MTMR10: variants seen among roughly 807,000 people sequenced by gnomAD.
The protein encoded by MTMR10 is myotubularin related protein 10.
A neutral mutation model predicts 88.1 loss-of-function variants in MTMR10; 56 were observed. That is an observed-to-expected ratio of 0.64 (90% CI 0.51 to 0.79). The LOEUF is 0.79. Among genes scored for constraint, MTMR10 ranks in the 30% least tolerant of loss-of-function variants. The pLI is 0.00. For missense variants in MTMR10, 883 were observed against 924.7 expected, an observed-to-expected ratio of 0.95 and a Z score of 0.58; for synonymous variants, 380 against 340.9, an observed-to-expected ratio of 1.11 and a Z score of -1.26.
intron 10 of MTMR10, among the ~76,000 whole-genome samples, chr15:30,954,281 A>G (rs1156551865): frequency 6.6e-6 from 1 of 152,176 alleles, no homozygotes; most frequent in African/African-American, 2.4e-5. Flanking sequence ...AGGAGGACCC[A>G]CATTACACCA....
chr15:30,939,435 G>A lies in MTMR10; in HGVS notation c.*2035C>T, dbSNP rs1405665669. The A allele has an allele frequency of 1.0e-6, 1 of 985,290 alleles. No homozygotes were observed. Among genetic ancestry groups the A allele is most frequent in the Non-Finnish European group, 1.2e-6 (1 of 829,938 alleles). 61.0% of individuals were successfully genotyped at this position (985,290 alleles called of 1,614,324 possible). ...TCTGACGGCAGAGGTGGTATAAGCA[G>A]CTTCACCCTGGCCCGACTGAAGGCT... On this transcript the variant is annotated 3_prime_UTR_variant, in exon 16 of 16. Transcript: ENST00000435680.
Position 30,942,693 on chromosome 15 carries a change from C to A in MTMR10, c.1731+197G>T, listed in dbSNP as rs1405489605. The A allele has an allele frequency of 1.8e-5, 10 of 563,570 alleles. No homozygotes were observed. The Admixed American group carries it at 3.1e-4, about 18-fold the overall frequency. 34.9% of individuals were successfully genotyped at this position (563,570 alleles called of 1,614,324 possible). On this transcript the variant is annotated intron_variant, in intron 15 of 15. Transcript: ENST00000435680. The stretch of plus-strand genomic sequence containing the variant: ...GCTGCAATCTGCCCACTCTCAGGTA[C>A]TGAGACTTTGTGGGCCTCAGACACC...
the MTMR10 span, chr15:30,922,208 G>A: frequency 6.3e-7 from 1 of 1,597,722 alleles, no homozygotes; most frequent in Non-Finnish European, 8.5e-7. Flanking sequence ...TGAATCTAAT[G>A]AGGTTTCTTT....
At chr15:30,974,906 A>G (rs2029997945) in intron 4 of MTMR10, 25 bp downstream of exon 4, 6 of 1,396,104 alleles carry the variant, frequency 4.3e-6, no homozygotes, top group Non-Finnish European at 5.8e-6. Context: ...ATTGACTTTT[A>G]GAGTATGTAC....
Position 30,967,980 on chromosome 15 carries a change from G to C in MTMR10, c.505C>G (p.Pro169Ala). ...VCLAIAHYSQ[P>A]TDLQLLFAFE... ...GCAAAGAGTAGCTGGAGGTCTGTTG[G>C]CTGGGAATAATGAGCTATTGCAAGG... Residue 169 changes from proline to alanine, a missense_variant, in exon 6 of 16, where the codon CCA (proline) becomes GCA (alanine). Transcript: ENST00000435680. The C allele has an allele frequency of 1.3e-6, 2 of 1,573,944 alleles. No homozygotes were observed. Among genetic ancestry groups the C allele is most frequent in the Non-Finnish European group, 1.7e-6 (2 of 1,158,376 alleles).
At chr15:30,942,329 G>C (rs532628536) in intron 15 of MTMR10, 3 of 535,564 alleles carry the variant, frequency 5.6e-6, no homozygotes, top group African/African-American at 3.8e-5. Context: ...CCACTAATTT[G>C]CTTAAGGATA....
intron 2 of MTMR10, among the ~76,000 whole-genome samples, chr15:30,981,805 C>T (rs751926820): frequency 3.3e-5 from 5 of 152,248 alleles, no homozygotes; most frequent in Middle Eastern, 6.8e-3. Flanking sequence ...ATCTCATTCT[C>T]ATGCCTGTAA....
At chr15:30,989,370 T>C (rs1316508681) in intron 2 of MTMR10, among the ~76,000 whole-genome samples, 1 of 152,190 alleles carries the variant, frequency 6.6e-6, no homozygotes, top group Non-Finnish European at 1.5e-5. Flanking sequence ...ATGACTCCCA[T>C]AGTAAAGTTT....
chr15:30,946,504 C>T, intron 14 of MTMR10: 3 of 500,564 alleles, frequency 6.0e-6, no homozygotes, highest in South Asian at 2.8e-5. Flanking sequence ...CTGAAGACCC[C>T]GGAGCTCACT....
chr15:30,989,374 A>G (rs2031159171), intron 2 of MTMR10, among the ~76,000 whole-genome samples: 1 of 152,202 alleles, frequency 6.6e-6, no homozygotes, highest in African/African-American at 2.4e-5. Context: ...CTCCCATAGT[A>G]AAGTTTAAAA....
chr15:30,953,616 GTTT>G lies in MTMR10; in HGVS notation c.1079_1081del (p.Glu360_Thr361delinsAla), dbSNP rs2063281338. On this transcript the variant is annotated inframe_deletion, in exon 11 of 16. Transcript: ENST00000435680. ...CAGTGAAGATAACCATTTCTCTTCAGTTTCTTCAAAAGGCTCTGTAATAAATTA... is the reference window on the plus strand; with the variant it reads ...CAGTGAAGATAACCATTTCTCTTCAGCTTCAAAAGGCTCTGTAATAAATTA... 6.5e-7 allele frequency: 1 copy of G among 1,543,628 alleles called. No individual in the cohort carries two copies. The highest frequency in any genetic ancestry group is 8.8e-7 in the Non-Finnish European group (1 of 1,139,548).
At chr15:30,981,618 A>G (rs1367612452) in intron 2 of MTMR10, among the ~76,000 whole-genome samples, 1 of 152,232 alleles carries the variant, frequency 6.6e-6, no homozygotes, top group Non-Finnish European at 1.5e-5. Context: ...TTCTTCTGTT[A>G]TTTGCAACTT....
chr15:30,943,444 CATTT>C (rs2140991204), intron 14 of MTMR10: 1 of 985,342 alleles, frequency 1.0e-6, no homozygotes, highest in East Asian at 1.1e-4. Flanking sequence ...ACGGTCAGTA[CATTT>C]AAGTAGTTAC....
At chr15:30,929,944 A>AATATATATCATATATATAAAAT in the MTMR10 span, among the ~76,000 whole-genome samples, 77 of 107,786 alleles carry the variant, frequency 7.1e-4, 4 homozygotes, top group African/African-American at 3.6e-3. Flanking sequence ...TAAAATATAT[A>AATATATATCATATATATAAAAT]ATATAATATA....
intron 6 of MTMR10, 120 bp downstream of exon 6, chr15:30,967,800 G>A: frequency 1.3e-6 from 1 of 754,746 alleles, no homozygotes; most frequent in Non-Finnish European, 2.1e-6. Context: ...ACTTCTCTAA[G>A]GTATGAAGCT....
the MTMR10 span, among the ~76,000 whole-genome samples, chr15:30,929,905 AATATATAAT>A: frequency 5.3e-5 from 4 of 75,076 alleles, no homozygotes; most frequent in Middle Eastern, 6.6e-3. Context: ...TAATATATAA[AATATATAAT>A]ATATATCATA....
the MTMR10 span, chr15:30,925,651 G>A: frequency 3.0e-6 from 3 of 988,502 alleles, no homozygotes; most frequent in African/African-American, 3.2e-5. Context: ...AGTTCTGCGT[G>A]TGTGAGCCCC....
At chr15:30,962,831 G>C (rs1201023661) in intron 6 of MTMR10, among the ~76,000 whole-genome samples, 1 of 152,260 alleles carries the variant, frequency 6.6e-6, no homozygotes, top group Non-Finnish European at 1.5e-5. Context: ...GCTGCAGAGA[G>C]AGGCCGGGGC....
chr15:30,947,077 C>T (rs1009913195), intron 14 of MTMR10, 53 bp downstream of exon 14: 14 of 1,523,710 alleles, frequency 9.2e-6, no homozygotes, highest in African/African-American at 4.2e-5. Flanking sequence ...AATTATGCCT[C>T]GATAAAGTTG....
Sources: allele counts gnomAD v4.1 joint callset (sites outside exome capture counted in the v4.1 genomes callset), GRCh38; gene constraint gnomAD v4.1.1; transcripts MANE v1.5; gene names NCBI Gene and HGNC (gene_info 2026-07-23, HGNC 2026-07-21).